The following EXT1 variants were observed in gnomAD, a reference collection of about 807,000 sequenced individuals.
EXT1 encodes exostosin-1.
A neutral mutation model predicts 82.5 loss-of-function variants in EXT1; 20 were observed. That is an observed-to-expected ratio of 0.24 (90% CI 0.17 to 0.35). EXT1 has a LOEUF of 0.35. Ranked by LOEUF, EXT1 falls within the 10% of genes least tolerant of loss-of-function variation. The pLI, the probability that EXT1 is intolerant of heterozygous loss-of-function variation, is 1.00. For missense variants in EXT1, 757 were observed against 936.5 expected, an observed-to-expected ratio of 0.81 and a Z score of 2.50; for synonymous variants, 348 against 350.8, an observed-to-expected ratio of 0.99 and a Z score of 0.09.
chr8:117,913,745 G>C (rs1050214419), intron 1 of EXT1, among the ~76,000 whole-genome samples: 1 of 152,172 alleles, frequency 6.6e-6, no homozygotes, highest in Non-Finnish European at 1.5e-5. Context: ...TCTATAATAA[G>C]TAATAAGGGT....
rs760316025 is a variant in EXT1 at position 117,799,663 on chromosome 8, C to G, written c.*49G>C. The G allele has an allele frequency of 1.9e-6, 3 of 1,605,524 alleles. No individual in the cohort carries two copies. Among genetic ancestry groups the G allele is most frequent in the Non-Finnish European group, 2.6e-6 (3 of 1,172,614 alleles). ...GATCTGCACTGGGAAGAGAGAGCAG[C>G]TTGACCCCCATCCCTTCTTGCTTCC... On this transcript the variant is annotated 3_prime_UTR_variant, in exon 11 of 11. Coordinates refer to ENST00000378204, the MANE Select transcript of EXT1 (RefSeq NM_000127.3).
chr8:118,020,551 A>G (rs1170828453), intron 1 of EXT1, among the ~76,000 whole-genome samples: 2 of 152,220 alleles, frequency 1.3e-5, no homozygotes, highest in African/African-American at 4.8e-5. Flanking sequence ...GCTAACCAAC[A>G]TTTGACAAAG....
intron 1 of EXT1, among the ~76,000 whole-genome samples, chr8:118,028,268 G>A (rs918280551): frequency 1.3e-5 from 2 of 152,214 alleles, no homozygotes; most frequent in African/African-American, 4.8e-5. Flanking sequence ...TGGGGAAAGG[G>A]CAAGGACGCA....
chr8:117,807,597 A>G (rs1383215019), intron 8 of EXT1, among the ~76,000 whole-genome samples: 2 of 152,196 alleles, frequency 1.3e-5, no homozygotes, highest in Admixed American at 1.3e-4. Flanking sequence ...AGTAGTATGG[A>G]AATGAAAGGA....
chr8:117,982,470 C>T (rs1815229856), intron 1 of EXT1, among the ~76,000 whole-genome samples: 1 of 152,002 alleles, frequency 6.6e-6, no homozygotes. Flanking sequence ...ATTTTAAGGC[C>T]AACTATTTAG....
intron 1 of EXT1, among the ~76,000 whole-genome samples, chr8:117,907,742 C>T (rs1272057601): frequency 1.3e-5 from 2 of 152,052 alleles, no homozygotes; most frequent in African/African-American, 2.4e-5. Flanking sequence ...TATTCTAGGT[C>T]TTCCTGATTA....
At chr8:117,834,770 G>A (rs1812158042) in intron 3 of EXT1, among the ~76,000 whole-genome samples, 1 of 152,036 alleles carries the variant, frequency 6.6e-6, no homozygotes. Context: ...TAAAGTTCTA[G>A]AATTTTAGGA....
chr8:117,822,030 T>A (rs1811933143), intron 5 of EXT1, among the ~76,000 whole-genome samples: 1 of 152,222 alleles, frequency 6.6e-6, no homozygotes, highest in Non-Finnish European at 1.5e-5. Flanking sequence ...AAATTTGTGC[T>A]TGTCACACAT....
chr8:117,819,410 G>A (rs1811883398), intron 6 of EXT1, among the ~76,000 whole-genome samples: 1 of 152,126 alleles, frequency 6.6e-6, no homozygotes, highest in Admixed American at 6.5e-5. Flanking sequence ...GACTATGTTG[G>A]TGTATGTATA....
intron 1 of EXT1, among the ~76,000 whole-genome samples, chr8:117,909,019 C>A (rs1027651744): frequency 8.6e-5 from 13 of 151,814 alleles, no homozygotes; most frequent in Admixed American, 8.5e-4. Flanking sequence ...GTAATCCCAG[C>A]TACTCGGAAG....
chr8:118,040,481 G>A (rs781678663), intron 1 of EXT1, among the ~76,000 whole-genome samples: 27 of 152,204 alleles, frequency 1.8e-4, no homozygotes, highest in Non-Finnish European at 2.9e-4. Flanking sequence ...TACTGGGCCA[G>A]TGTCATCTTC....
chr8:118,084,061 G>A (rs374426251), intron 1 of EXT1, among the ~76,000 whole-genome samples: 1 of 152,128 alleles, frequency 6.6e-6, no homozygotes, highest in African/African-American at 2.4e-5. Flanking sequence ...AATCCCACTG[G>A]AGTGGATCCT....
intron 1 of EXT1, among the ~76,000 whole-genome samples, chr8:117,857,740 T>C (rs1812591460): frequency 6.6e-6 from 1 of 152,244 alleles, no homozygotes; most frequent in Non-Finnish European, 1.5e-5. Flanking sequence ...TCAAGTATTG[T>C]TATTTTAAAA....
rs1299574626 is a variant in EXT1 at position 118,091,620 on chromosome 8, C to T, written c.962+18465G>A. Among the ~76,000 whole-genome samples the T allele has an allele frequency of 2.0e-5, 3 of 152,206 alleles. No homozygotes were observed. The East Asian group carries it at 5.8e-4, about 29-fold the overall frequency. Reference sequence around the variant, plus strand: ...ATTAGCCGGGCATGGTGGCGGGCACCTGTAGTCCCAGCTACTCGGGAGACT... The same window carrying T: ...ATTAGCCGGGCATGGTGGCGGGCACTTGTAGTCCCAGCTACTCGGGAGACT... On this transcript the variant is annotated intron_variant, in intron 1 of 10. Coordinates refer to ENST00000378204, the MANE Select transcript of EXT1 (RefSeq NM_000127.3).
chr8:117,814,255 G>T (rs1811752335), intron 7 of EXT1, among the ~76,000 whole-genome samples: 1 of 151,702 alleles, frequency 6.6e-6, no homozygotes, highest in Non-Finnish European at 1.5e-5. Context: ...GTGTGTGTGT[G>T]TGTGTGTGGT....
intron 1 of EXT1, among the ~76,000 whole-genome samples, chr8:118,009,385 G>A (rs1017515038): frequency 1.3e-5 from 2 of 152,160 alleles, no homozygotes; most frequent in African/African-American, 4.8e-5. Context: ...GGAAAATGAG[G>A]GCATAGATTT....
chr8:118,031,921 A>C (rs933596526), intron 1 of EXT1, among the ~76,000 whole-genome samples: 1 of 152,074 alleles, frequency 6.6e-6, no homozygotes. Context: ...TATATCACAG[A>C]AACTGGCAAC....
intron 1 of EXT1, among the ~76,000 whole-genome samples, chr8:117,949,406 A>G (rs889246563): frequency 2.6e-5 from 4 of 151,630 alleles, no homozygotes; most frequent in Non-Finnish European, 4.4e-5. Flanking sequence ...CCAGAGAGAA[A>G]GTTGACATAT....
chr8:117,824,083 T>C (rs1244773710), intron 4 of EXT1, among the ~76,000 whole-genome samples: 1 of 151,950 alleles, frequency 6.6e-6, no homozygotes, highest in Non-Finnish European at 1.5e-5. Flanking sequence ...TTCCTTTTTA[T>C]AGTTTCTCTT....
Sources: allele counts gnomAD v4.1 joint callset (sites outside exome capture counted in the v4.1 genomes callset), GRCh38; gene constraint gnomAD v4.1.1; transcripts MANE v1.5; gene names NCBI Gene and HGNC (gene_info 2026-07-23, HGNC 2026-07-21).